The following ATP8A2 variants were observed in gnomAD, a reference collection of about 807,000 sequenced individuals.
ATP8A2 encodes ATPase phospholipid transporting 8A2, also known as phospholipid-transporting ATPase IB.
Under a neutral mutation model 165.6 loss-of-function variants are expected in ATP8A2, and 100 were observed. That is an observed-to-expected ratio of 0.60 (90% CI 0.51 to 0.71). The LOEUF (loss-of-function observed/expected upper bound fraction) is 0.71. ATP8A2 is among the 30% of genes least tolerant of loss of function. The pLI, the probability that ATP8A2 is intolerant of heterozygous loss-of-function variation, is 0.00. For missense variants in ATP8A2, 1,227 were observed against 1,479.5 expected, an observed-to-expected ratio of 0.83 and a Z score of 2.80; for synonymous variants, 543 against 548.8, an observed-to-expected ratio of 0.99 and a Z score of 0.15.
chr13:25,858,639 G>C (rs1334803090), intron 30 of ATP8A2, among the ~76,000 whole-genome samples: 2 of 152,138 alleles, frequency 1.3e-5, no homozygotes, highest in Non-Finnish European at 2.9e-5. Context: ...TCTCTAATAA[G>C]AGTGGGATTG....
intron 27 of ATP8A2, among the ~76,000 whole-genome samples, chr13:25,816,176 G>A (rs1951014522): frequency 6.6e-6 from 1 of 152,112 alleles, no homozygotes; most frequent in African/African-American, 2.4e-5. Flanking sequence ...TTTATGTTCT[G>A]TATATTTTAC....
At chr13:26,014,124 G>A (rs541896295) in intron 36 of ATP8A2, among the ~76,000 whole-genome samples, 24 of 152,312 alleles carry the variant, frequency 1.6e-4, no homozygotes, top group African/African-American at 4.8e-4. Flanking sequence ...CAGCCCTCTG[G>A]AGATGGGCTG....
At chr13:25,478,479 G>A (rs1275816194) in intron 2 of ATP8A2, among the ~76,000 whole-genome samples, 1 of 152,150 alleles carries the variant, frequency 6.6e-6, no homozygotes, top group Admixed American at 6.5e-5. Context: ...GGGATGTAGG[G>A]ATGTTTAACA....
intron 1 of ATP8A2, among the ~76,000 whole-genome samples, chr13:25,414,212 T>G (rs1376081704): frequency 7.1e-6 from 1 of 141,208 alleles, no homozygotes; most frequent in Non-Finnish European, 1.5e-5. Context: ...TTTTTTTGAG[T>G]CAGAGTCTCG....
At chr13:25,895,777 G>A (rs1028062796) in intron 33 of ATP8A2, among the ~76,000 whole-genome samples, 1 of 152,098 alleles carries the variant, frequency 6.6e-6, no homozygotes, top group East Asian at 1.9e-4. Context: ...GGTATGTATC[G>A]AGGAATTTAT....
intron 25 of ATP8A2, among the ~76,000 whole-genome samples, chr13:25,734,545 G>A (rs1477040351): frequency 2.0e-5 from 3 of 152,200 alleles, no homozygotes; most frequent in African/African-American, 4.8e-5. Context: ...AAGTGCTAGA[G>A]CTTCAAGGTT....
chr13:25,976,075 T>C (rs1051365424), intron 35 of ATP8A2, among the ~76,000 whole-genome samples: 82 of 152,156 alleles, frequency 5.4e-4, no homozygotes, highest in African/African-American at 1.6e-3. Flanking sequence ...TCTGGAGAAC[T>C]TTCTCTTGTT....
intron 1 of ATP8A2, among the ~76,000 whole-genome samples, chr13:25,452,607 A>G (rs915758736): frequency 6.6e-5 from 10 of 152,222 alleles, no homozygotes; most frequent in Admixed American, 2.6e-4. Context: ...TTTAAGATAC[A>G]TTATTGTATG....
intron 25 of ATP8A2, among the ~76,000 whole-genome samples, chr13:25,757,276 C>G (rs899582085): frequency 1.3e-5 from 2 of 152,188 alleles, no homozygotes; most frequent in African/African-American, 4.8e-5. Context: ...AAAGAAAAAG[C>G]ATCGCTCCCT....
At chr13:25,441,482 C>T (rs1037923088) in intron 1 of ATP8A2, among the ~76,000 whole-genome samples, 7 of 152,136 alleles carry the variant, frequency 4.6e-5, no homozygotes, top group South Asian at 4.1e-4. Context: ...GAAGTCAGTG[C>T]GGCGTGGACT....
chr13:25,573,659 T>C (rs2039532395), intron 18 of ATP8A2, among the ~76,000 whole-genome samples: 1 of 149,054 alleles, frequency 6.7e-6, no homozygotes, highest in Non-Finnish European at 1.5e-5. Context: ...ACGTGGTTGA[T>C]ATAACTGTGA....
chr13:25,983,075 G>A (rs1414671601), intron 35 of ATP8A2, among the ~76,000 whole-genome samples: 1 of 152,104 alleles, frequency 6.6e-6, no homozygotes, highest in African/African-American at 2.4e-5. Flanking sequence ...TCTGACTTTT[G>A]TTCTTTTGTA....
chr13:25,945,787 G>A (rs535192219), intron 33 of ATP8A2, among the ~76,000 whole-genome samples: 23 of 152,274 alleles, frequency 1.5e-4, no homozygotes, highest in Admixed American at 1.0e-3. Context: ...GATGGATCGC[G>A]GCCAGCTGGC....
At chr13:25,696,083 A>G (rs1367548528) in intron 24 of ATP8A2, among the ~76,000 whole-genome samples, 1 of 152,238 alleles carries the variant, frequency 6.6e-6, no homozygotes, top group Non-Finnish European at 1.5e-5. Context: ...GCATGAAAAC[A>G]ACATTCATTC....
At chr13:25,768,085 G>GGC (rs2044532591) in intron 25 of ATP8A2, among the ~76,000 whole-genome samples, 1 of 130,884 alleles carries the variant, frequency 7.6e-6, no homozygotes. Flanking sequence ...GTGGGGGGGG[G>GGC]GTGGTGGGGG....
At chr13:25,936,321 T>C (rs1427963253) in intron 33 of ATP8A2, among the ~76,000 whole-genome samples, 1 of 152,130 alleles carries the variant, frequency 6.6e-6, no homozygotes, top group Non-Finnish European at 1.5e-5. Flanking sequence ...ACAGAACAGA[T>C]GTTGGGGATT....
rs1158171207 is a variant in ATP8A2, at chr13:26,020,192, C to G, written c.*207C>G. ...GGGGAAGCTATCTTTGCCCTCCCAA[C>G]TCGTCTGCAGTGCTTAGCCTAACTT... On this transcript the variant is annotated 3_prime_UTR_variant, in exon 37 of 37. Coordinates refer to ENST00000381655, the MANE Select transcript of ATP8A2 (RefSeq NM_016529.6). 2 of 586,660 alleles carry G rather than the reference C, an allele frequency of 3.4e-6. No homozygotes were observed. The highest frequency in any genetic ancestry group is 6.1e-6 in the Non-Finnish European group (2 of 329,556). The allele number at this position is 586,660 out of a possible 1,614,324, so 36.3% of individuals were successfully genotyped here.
chr13:25,748,195 C>T (rs935339102), intron 25 of ATP8A2, among the ~76,000 whole-genome samples: 1 of 152,202 alleles, frequency 6.6e-6, no homozygotes, highest in Admixed American at 6.5e-5. Context: ...AGAACAATTT[C>T]ACTCATAGCA....
chr13:25,524,259 G>C (rs1051799701), intron 2 of ATP8A2, among the ~76,000 whole-genome samples: 7 of 152,092 alleles, frequency 4.6e-5, no homozygotes, highest in Non-Finnish European at 8.8e-5. Context: ...AATGTGCTGG[G>C]ACTTGATTTA....
Sources: allele counts gnomAD v4.1 joint callset (sites outside exome capture counted in the v4.1 genomes callset), GRCh38; gene constraint gnomAD v4.1.1; transcripts MANE v1.5; gene names NCBI Gene and HGNC (gene_info 2026-07-23, HGNC 2026-07-21).